FBXO43: variants seen among roughly 807,000 people sequenced by gnomAD.
FBXO43 encodes the protein F-box protein 43, also known as F-box only protein 43.
A neutral mutation model predicts 56.7 loss-of-function variants in FBXO43; 22 were observed. The observed-to-expected ratio is 0.39, with a 90% CI of 0.28 to 0.55. The LOEUF is 0.55. Among genes scored for constraint, FBXO43 ranks in the 20% least tolerant of loss-of-function variants. The pLI is 0.66. For missense variants in FBXO43, 733 were observed against 814.9 expected (o/e 0.90, Z 1.22); for synonymous variants, 306 against 294.5 (o/e 1.04, Z -0.40).
At chr8:100,137,254 G>A in intron 3 of FBXO43, 1 of 186,756 alleles carries the variant, frequency 5.4e-6, no homozygotes, top group Non-Finnish European at 1.1e-5. Context: ...TAGAGACAGG[G>A]TTTCACCGTG....
At chr8:100,147,025 T>C (rs539061596), upstream of FBXO43, among the ~76,000 whole-genome samples, 6 of 152,320 alleles carry the variant, frequency 3.9e-5, no homozygotes, top group Non-Finnish European at 8.8e-5. Context: ...TTTTTGTATT[T>C]TCAGTAGAGA....
chr8:100,143,514 C>G (rs1230272039), intron 1 of FBXO43, among the ~76,000 whole-genome samples: 1 of 152,220 alleles, frequency 6.6e-6, no homozygotes. Context: ...AAATGTCATA[C>G]ATGTCCCCTT....
intron 3 of FBXO43, chr8:100,137,339 C>A: frequency 2.7e-6 from 1 of 366,540 alleles, no homozygotes; most frequent in Non-Finnish European, 4.9e-6. Flanking sequence ...GGATTACAGG[C>A]GTGAGCCACC....
At chr8:100,135,099 G>T (rs1814430691) in intron 3 of FBXO43, among the ~76,000 whole-genome samples, 1 of 152,210 alleles carries the variant, frequency 6.6e-6, no homozygotes, top group African/African-American at 2.4e-5. Context: ...CACTAGAACG[G>T]AAGTGTAATC....
At position 100,145,195 on chromosome 8, in the gene FBXO43, A is replaced by G. The variant is rs1814792050; in HGVS notation, c.-60T>C. On this transcript the variant is annotated 5_prime_UTR_variant, in exon 1 of 5. Coordinates refer to ENST00000428847, the MANE Select transcript of FBXO43 (RefSeq NM_001029860.4). Reference sequence around the variant, plus strand: ...GTTTGCACAATTAATTGAAAGGTGCAGCAGCATCATGATTGCTCAAAGTCG... The same window carrying G: ...GTTTGCACAATTAATTGAAAGGTGCGGCAGCATCATGATTGCTCAAAGTCG... 6 of 1,453,394 alleles carry G rather than the reference A, an allele frequency of 4.1e-6. No individual in the cohort carries two copies. The highest frequency in any genetic ancestry group is 3.8e-6 in the Non-Finnish European group (4 of 1,060,116). The allele number at this position is 1,453,394 out of a possible 1,614,324, so 90.0% of individuals were successfully genotyped here.
chr8:100,140,403 G>T (rs1344503004), intron 2 of FBXO43, among the ~76,000 whole-genome samples: 2 of 152,166 alleles, frequency 1.3e-5, no homozygotes. Context: ...CCGGGAGGCG[G>T]AGCTTGCAGT....
chr8:100,137,542 T>C, intron 3 of FBXO43, 23 bp downstream of exon 3: 1 of 1,464,552 alleles, frequency 6.8e-7, no homozygotes, highest in South Asian at 1.2e-5. Flanking sequence ...AAATCCATTT[T>C]AGAGAAGTAT....
At chr8:100,144,388 G>A (rs1814753207) in intron 1 of FBXO43, among the ~76,000 whole-genome samples, 1 of 151,964 alleles carries the variant, frequency 6.6e-6, no homozygotes, top group Admixed American at 6.6e-5. Flanking sequence ...ACTTGAAGTT[G>A]CCTCCAACGT....
At chr8:100,134,113 C>G (rs1399718994) in intron 4 of FBXO43, 48 bp downstream of exon 4, 2 of 1,602,378 alleles carry the variant, frequency 1.2e-6, no homozygotes, top group East Asian at 4.5e-5. Flanking sequence ...TTATTTCAAA[C>G]TCTGTAAATA....
chr8:100,144,510 T>C, intron 1 of FBXO43, among the ~76,000 whole-genome samples: 1 of 152,092 alleles, frequency 6.6e-6, no homozygotes, highest in Non-Finnish European at 1.5e-5. Flanking sequence ...GACTGTCTGT[T>C]GTATTTTATG....
At chr8:100,138,430 C>T (rs1318770608) in intron 2 of FBXO43, among the ~76,000 whole-genome samples, 1 of 152,148 alleles carries the variant, frequency 6.6e-6, no homozygotes, top group Non-Finnish European at 1.5e-5. Flanking sequence ...CATTGACTCT[C>T]TCTAGGCTGA....
rs752825307 is a variant in FBXO43 at position 100,141,531 on chromosome 8, A to G, written c.723T>C (p.Asp241=). The G allele has an allele frequency of 8.1e-6, 13 of 1,612,020 alleles. No individual in the cohort carries two copies. Among genetic ancestry groups the G allele is most frequent in the South Asian group, 1.1e-5 (1 of 91,082 alleles). ...TACATTCAACTTCAAATAGGCTACA[A>G]TCATCTTTGGAATCATCAATTGTGG... ...KTSTIDDSKD[D]CSLFEVECIS... The change falls in exon 2 of 5, where the codon GAT becomes GAC. Residue 241 remains aspartate, a synonymous_variant. Transcript: ENST00000428847.
chr8:100,137,538 A>T lies in FBXO43; in HGVS notation c.1674+27T>A, dbSNP rs926039203. 5 of 1,448,514 alleles carry T rather than the reference A, an allele frequency of 3.5e-6. No individual in the cohort carries two copies. The African/African-American group carries it at 7.1e-5, about 20-fold the overall frequency. 89.7% of individuals were successfully genotyped at this position (1,448,514 alleles called of 1,614,324 possible). A position where few individuals can be genotyped will look rare whatever the true frequency, so the allele number is the denominator to read the frequency against. Reference sequence around the variant, plus strand: ...GATTATTATGTATTTATACAAATCCATTTTAGAGAAGTATTACATACATTA... The same window carrying T: ...GATTATTATGTATTTATACAAATCCTTTTTAGAGAAGTATTACATACATTA... On this transcript the variant is annotated intron_variant, in intron 3 of 4. Transcript: ENST00000428847.
chr8:100,148,196 AATTT>A (rs1814864316), upstream of FBXO43, among the ~76,000 whole-genome samples: 1 of 151,858 alleles, frequency 6.6e-6, no homozygotes, highest in African/African-American at 2.4e-5. Flanking sequence ...TTCTCCAGTT[AATTT>A]ATTTTTCTTG....
chr8:100,133,623 TA>T lies in FBXO43; in HGVS notation c.*178del. On this transcript the variant is annotated 3_prime_UTR_variant, in exon 5 of 5. Coordinates refer to ENST00000428847, the MANE Select transcript of FBXO43 (RefSeq NM_001029860.4). ...AAATGGGTAAAATGACATAGTAAAA[TA>T]AAATTTTTTCAAAACAACTTTAAAG... 1.6e-6 allele frequency: 1 copy of T among 634,200 alleles called. No homozygotes were observed. Among genetic ancestry groups the T allele is most frequent in the Non-Finnish European group, 2.4e-6 (1 of 413,622 alleles). The allele number at this position is 634,200 out of a possible 1,614,324, so 39.3% of individuals were successfully genotyped here.
At chr8:100,139,617 T>C (rs1403794630) in intron 2 of FBXO43, among the ~76,000 whole-genome samples, 2 of 152,194 alleles carry the variant, frequency 1.3e-5, no homozygotes. Context: ...CTTCTGATAG[T>C]CCTGTAACTC....
chr8:100,141,132 C>G lies in FBXO43; in HGVS notation c.1122G>C (p.Lys374Asn). 1 of 1,614,176 alleles carries G rather than the reference C, an allele frequency of 6.2e-7. No homozygotes were observed. The highest frequency in any genetic ancestry group is 8.5e-7 in the Non-Finnish European group (1 of 1,180,034). The change falls in exon 2 of 5, where the codon AAG becomes AAC. Residue 374 changes from lysine (K) to asparagine (N), a missense_variant. Transcript: ENST00000428847. ...TTCTCGACCTTCCAAGATGTCTTGT[C>G]TTTCTTATGGTGTCCCCAACTTTGG... Reference protein sequence around the residue: ...GTPKVGDTIRKTRHLGRSRRL... With the variant: ...GTPKVGDTIRNTRHLGRSRRL...
chr8:100,135,922 C>CT (rs201498178), intron 3 of FBXO43, among the ~76,000 whole-genome samples: 6,496 of 149,140 alleles, frequency 0.044, 413 homozygotes, highest in African/African-American at 0.13. Flanking sequence ...GAGACTATTT[C>CT]TTTTCTTTTT....
At chr8:100,144,409 C>A (rs758680777) in intron 1 of FBXO43, among the ~76,000 whole-genome samples, 23 of 152,194 alleles carry the variant, frequency 1.5e-4, no homozygotes, top group Non-Finnish European at 3.2e-4. Context: ...CCTTTCTCTG[C>A]TAGCATTTTC....
Sources: gnomAD v4.1 joint callset for allele counts (sites outside exome capture counted in the v4.1 genomes callset) on GRCh38, gnomAD v4.1.1 for gene constraint, MANE v1.5 for transcripts, NCBI Gene and HGNC (gene_info 2026-07-23, HGNC 2026-07-21) for gene names.